Variants in RAD51B observed in about 807,000 individuals in gnomAD.
RAD51B encodes DNA repair protein RAD51 homolog 2.
A neutral mutation model predicts 42.2 loss-of-function variants in RAD51B; 38 were observed. The ratio of observed to expected loss-of-function variants is 0.90; its 90% CI spans 0.70 to 1.18. The LOEUF is 1.18. RAD51B is among the 50% of genes most tolerant of loss of function. The pLI is 0.00. For missense variants in RAD51B, 373 were observed against 400.7 expected, an observed-to-expected ratio of 0.93 and a Z score of 0.59; for synonymous variants, 154 against 145.2, an observed-to-expected ratio of 1.06 and a Z score of -0.43.
rs111761199 is a variant in RAD51B at position 68,515,947 on chromosome 14, G to A, written c.1036+47697G>A. Among the ~76,000 whole-genome samples, 599 of 151,706 alleles carry A rather than the reference G, an allele frequency of 3.9e-3. 5 individuals are homozygous for A. Among genetic ancestry groups the A allele is most frequent in the African/African-American group, 0.013 (548 of 41,366 alleles). On this transcript the variant is annotated intron_variant, in intron 10 of 10. Coordinates refer to the RAD51B transcript ENST00000487270. ...ACCACAGGCACCCACCACCATGCCCGGGTAATTTTTTGTATTTTTAGTAGA... is the reference window on the plus strand; with the variant it reads ...ACCACAGGCACCCACCACCATGCCCAGGTAATTTTTTGTATTTTTAGTAGA...
intron 7 of RAD51B, among the ~76,000 whole-genome samples, chr14:68,008,568 C>T (rs1369813024): frequency 6.6e-6 from 1 of 150,528 alleles, no homozygotes; most frequent in Non-Finnish European, 1.5e-5. Flanking sequence ...GTATTGCTCT[C>T]TAACTAGGGA....
intron 7 of RAD51B, among the ~76,000 whole-genome samples, chr14:68,291,292 G>A (rs560016253): frequency 6.6e-5 from 10 of 152,146 alleles, no homozygotes; most frequent in East Asian, 3.9e-4. Flanking sequence ...TCCGCCTCTC[G>A]GATTCAAGCG....
chr14:67,942,302 T>C (rs1334914398), intron 7 of RAD51B, among the ~76,000 whole-genome samples: 1 of 152,214 alleles, frequency 6.6e-6, no homozygotes, highest in Non-Finnish European at 1.5e-5. Context: ...CTCTTTACTT[T>C]CGTAATGCAT....
downstream of RAD51B, among the ~76,000 whole-genome samples, chr14:68,478,784 G>A (rs1882926795): frequency 6.6e-6 from 1 of 152,168 alleles, no homozygotes; most frequent in Non-Finnish European, 1.5e-5. Flanking sequence ...AGAGTGCTGT[G>A]CACCAAGTAG....
intron 8 of RAD51B, chr14:68,387,168 C>A (rs1457847128): frequency 1.3e-5 from 2 of 152,188 alleles, no homozygotes; most frequent in Non-Finnish European, 2.9e-5. Flanking sequence ...GAAAGACAAA[C>A]CCTGAGATGA....
intron 10 of RAD51B, among the ~76,000 whole-genome samples, chr14:68,580,565 C>A (rs1890167422): frequency 6.6e-6 from 1 of 152,118 alleles, no homozygotes; most frequent in Non-Finnish European, 1.5e-5. Flanking sequence ...GGCTTTATTC[C>A]ACCCCTGCTG....
At chr14:68,518,846 C>G (rs943288018) in intron 10 of RAD51B, among the ~76,000 whole-genome samples, 2 of 152,128 alleles carry the variant, frequency 1.3e-5, no homozygotes, top group Non-Finnish European at 2.9e-5. Flanking sequence ...TCTCCGAGAG[C>G]CAGTAACCAA....
chr14:68,438,553 G>C (rs955559087), intron 9 of RAD51B, among the ~76,000 whole-genome samples: 1 of 152,120 alleles, frequency 6.6e-6, no homozygotes, highest in Non-Finnish European at 1.5e-5. Flanking sequence ...AATTAGGTTG[G>C]AGATCAGAAA....
intron 7 of RAD51B, among the ~76,000 whole-genome samples, chr14:68,031,447 A>G (rs539678280): frequency 3.3e-5 from 5 of 152,336 alleles, no homozygotes; most frequent in Admixed American, 2.6e-4. Flanking sequence ...TTAAATCACC[A>G]TAACAGATAA....
intron 7 of RAD51B, among the ~76,000 whole-genome samples, chr14:68,269,052 T>C (rs1349951445): frequency 1.3e-5 from 2 of 152,230 alleles, no homozygotes; most frequent in African/African-American, 2.4e-5. Flanking sequence ...TTTCTGTCTC[T>C]CTGCTTCTCC....
chr14:68,360,272 G>A (rs1002929003), intron 8 of RAD51B, among the ~76,000 whole-genome samples: 1 of 152,162 alleles, frequency 6.6e-6, no homozygotes, highest in Non-Finnish European at 1.5e-5. Context: ...TGCAGATGCC[G>A]CTCCCTCTCC....
intron 7 of RAD51B, among the ~76,000 whole-genome samples, chr14:68,113,380 A>G (rs927956458): frequency 1.3e-5 from 2 of 152,144 alleles, no homozygotes; most frequent in Non-Finnish European, 2.9e-5. Context: ...AAAGTCACTA[A>G]TATTTAAAGA....
At chr14:67,979,775 G>C (rs1238561519) in intron 7 of RAD51B, among the ~76,000 whole-genome samples, 3 of 152,074 alleles carry the variant, frequency 2.0e-5, no homozygotes, top group Non-Finnish European at 4.4e-5. Context: ...CAGTGTGATG[G>C]AAACACTATC....
chr14:68,331,026 T>C (rs191927850), intron 8 of RAD51B, among the ~76,000 whole-genome samples: 4 of 152,120 alleles, frequency 2.6e-5, no homozygotes, highest in Admixed American at 1.3e-4. Context: ...TAAAATATAG[T>C]TTTAAAAACA....
chr14:68,299,809 A>G (rs2081688764), intron 8 of RAD51B, among the ~76,000 whole-genome samples: 1 of 152,226 alleles, frequency 6.6e-6, no homozygotes, highest in African/African-American at 2.4e-5. Context: ...GAACTAAAAG[A>G]CAGCCAGATC....
chr14:68,530,620 A>G (rs1441967668), intron 10 of RAD51B, among the ~76,000 whole-genome samples: 1 of 152,070 alleles, frequency 6.6e-6, no homozygotes, highest in Non-Finnish European at 1.5e-5. Flanking sequence ...GGGGAAAAAA[A>G]TCACTTGTAA....
At chr14:68,037,629 G>T (rs542037561) in intron 7 of RAD51B, among the ~76,000 whole-genome samples, 1 of 152,286 alleles carries the variant, frequency 6.6e-6, no homozygotes, top group Admixed American at 6.5e-5. Flanking sequence ...GTCATAAAGC[G>T]CAGGTTAGCA....
intron 7 of RAD51B, among the ~76,000 whole-genome samples, chr14:67,995,190 A>ATTTTATAT: frequency 6.6e-6 from 1 of 152,222 alleles, no homozygotes; most frequent in Admixed American, 6.5e-5. Context: ...GATCGAGACC[A>ATTTTATAT]TCTTGGCCAA....
At chr14:68,072,321 A>C (rs2076766139) in intron 7 of RAD51B, among the ~76,000 whole-genome samples, 1 of 150,956 alleles carries the variant, frequency 6.6e-6, no homozygotes, top group Admixed American at 6.6e-5. Context: ...ATTAACTTAC[A>C]TTATCACAAG....
Sources: gnomAD v4.1 joint callset for allele counts (sites outside exome capture counted in the v4.1 genomes callset) on GRCh38, gnomAD v4.1.1 for gene constraint, MANE v1.5 for transcripts, NCBI Gene and HGNC (gene_info 2026-07-23, HGNC 2026-07-21) for gene names.